DYSF: variants seen among roughly 807,000 people sequenced by gnomAD.
DYSF encodes dysferlin.
DYSF carries 212 observed loss-of-function variants against 274.9 expected under a neutral mutation model. The observed-to-expected ratio is 0.77, with a 90% CI of 0.69 to 0.86. The LOEUF is 0.86. DYSF is among the 40% of genes least tolerant of loss of function. The pLI, the probability that DYSF is intolerant of heterozygous loss-of-function variation, is 0.00. For missense variants in DYSF, 2,666 were observed against 2,783.2 expected (o/e 0.96, Z 0.95); for synonymous variants, 1,091 against 1,078.7 (o/e 1.01, Z -0.22).
chr2:71,625,311 C>G (rs115757915), intron 41 of DYSF, among the ~76,000 whole-genome samples: 2,257 of 152,178 alleles, frequency 0.015, 60 homozygotes, highest in African/African-American at 0.051. Context: ...TGAAGTTTTG[C>G]TTTTCACACT....
intron 3 of DYSF, among the ~76,000 whole-genome samples, chr2:71,493,851 C>CAAAAAAAAAAAAAAAAAAAAAAAA (rs145288384): frequency 2.9e-5 from 2 of 69,330 alleles, no homozygotes; most frequent in Admixed American, 2.1e-4. Context: ...TACTCTGTCT[C>CAAAAAAAAAAAAAAAAAAAAAAAA]AAAAAAAAAA....
At chr2:71,671,847 G>T (rs1434484688) in intron 51 of DYSF, among the ~76,000 whole-genome samples, 1 of 152,184 alleles carries the variant, frequency 6.6e-6, no homozygotes, top group Admixed American at 6.5e-5. Flanking sequence ...GAAGGGGAGA[G>T]TGGGGCCAAC....
chr2:71,526,236 C>G lies in DYSF; in HGVS notation c.1166C>G (p.Pro389Arg). The G allele has an allele frequency of 6.2e-7, 1 of 1,614,242 alleles. No homozygotes were observed. The highest frequency in any genetic ancestry group is 8.5e-7 in the Non-Finnish European group (1 of 1,180,042). Residue 389 changes from proline (P) to arginine (R), a missense_variant, in exon 13 of 56, where the codon CCC (proline) becomes CGC (arginine). Transcript: ENST00000410020. ...GDEAPLERKD[P>R]SEDKEDIESN... ...TCTTTGTAGCTGGAGAGAAAAGACC[C>G]CTCTGAAGACAAGGAGGACATTGAA...
At chr2:71,505,552 C>T (rs2085396518) in intron 4 of DYSF, among the ~76,000 whole-genome samples, 1 of 152,212 alleles carries the variant, frequency 6.6e-6, no homozygotes, top group Non-Finnish European at 1.5e-5. Context: ...CCCCGTTTGC[C>T]TTTTGCTCAG....
Position 71,674,191 on chromosome 2 carries a change from G to A in DYSF, c.5785-6G>A. On this transcript the variant is annotated splice_region_variant and splice_polypyrimidine_tract_variant and intron_variant, in intron 51 of 55. Transcript: ENST00000410020. ...TGCATCCTTCTCTGTTCCTCTTCCGGGTCAGGATGCCTTCTGGAGGCTGGA... is the reference window on the plus strand; with the variant it reads ...TGCATCCTTCTCTGTTCCTCTTCCGAGTCAGGATGCCTTCTGGAGGCTGGA... 6.2e-7 allele frequency: 1 copy of A among 1,614,006 alleles called. No homozygotes were observed. Among genetic ancestry groups the A allele is most frequent in the South Asian group, 1.1e-5 (1 of 91,082 alleles).
intron 55 of DYSF, among the ~76,000 whole-genome samples, chr2:71,683,724 C>T (rs2095323658): frequency 1.3e-5 from 2 of 152,198 alleles, no homozygotes; most frequent in African/African-American, 4.8e-5. Flanking sequence ...CTGGTCAGCA[C>T]CAGGCCACTG....
chr2:71,596,321 A>G (rs2093408513), intron 32 of DYSF, among the ~76,000 whole-genome samples: 2 of 152,144 alleles, frequency 1.3e-5, no homozygotes, highest in African/African-American at 2.4e-5. Context: ...CAGCCGCTAC[A>G]ATGTGCAATT....
chr2:71,590,198 T>C lies in DYSF; in HGVS notation c.3497-13T>C, dbSNP rs759062827. The C allele has an allele frequency of 5.0e-6, 8 of 1,613,936 alleles. No individual in the cohort carries two copies. In the African/African-American group the frequency reaches 6.7e-5, roughly 13 times the overall value. The stretch of plus-strand genomic sequence containing the variant: ...CACTCACTCTGGCACCTCTGTTTTT[T>C]CCCTTGGTGAAGATGGGAACCGCTA... On this transcript the variant is annotated splice_polypyrimidine_tract_variant and intron_variant, in intron 31 of 55. Transcript: ENST00000410020.
chr2:71,459,553 C>A (rs2081201565), intron 1 of DYSF, among the ~76,000 whole-genome samples: 1 of 151,966 alleles, frequency 6.6e-6, no homozygotes, highest in Non-Finnish European at 1.5e-5. Flanking sequence ...AAATCTAGGC[C>A]CAGGTGCCAC....
chr2:71,513,151 A>G, intron 5 of DYSF, 89 bp from the exon 6 acceptor site: 1 of 1,261,954 alleles, frequency 7.9e-7, no homozygotes, highest in Non-Finnish European at 1.1e-6. Context: ...CGGGGAAGGC[A>G]GGGTTGGGGA....
intron 14 of DYSF, among the ~76,000 whole-genome samples, chr2:71,532,974 T>C (rs1204251537): frequency 6.6e-6 from 1 of 152,186 alleles, no homozygotes; most frequent in Non-Finnish European, 1.5e-5. Flanking sequence ...TCTTTTATAT[T>C]ATTCTGGTTT....
At chr2:71,520,046 C>A in intron 10 of DYSF, 132 bp from the exon 11 acceptor site, 1 of 994,100 alleles carries the variant, frequency 1.0e-6, no homozygotes. Flanking sequence ...CATGTAGTAT[C>A]AAATGTTGAC....
At chr2:71,553,752 A>AAAACCCCC in intron 20 of DYSF, 55 bp from the exon 21 acceptor site, 1 of 267,804 alleles carries the variant, frequency 3.7e-6, no homozygotes, top group Non-Finnish European at 6.7e-6. Context: ...TTAGCACCCC[A>AAAACCCCC]TCCCACCCGC....
Position 71,556,024 on chromosome 2 carries a change from G to C in DYSF, c.2169G>C (p.Val723=). 1 of 1,578,948 alleles carries C rather than the reference G, an allele frequency of 6.3e-7. No homozygotes were observed. The highest frequency in any genetic ancestry group is 1.2e-5 in the South Asian group (1 of 85,804). ...ALKAQCSTED[V]DSLVAQLTDE... is the part of the protein sequence containing the mutation. ...AGGCGCAGTGCTCCACGGAGGACGT[G>C]GACTCGCTGGTGGCTCAGCTGACGG... The change falls in exon 22 of 56, where the codon GTG becomes GTC. Residue 723 remains valine, a synonymous_variant. Coordinates refer to ENST00000410020, the MANE Select transcript of DYSF (RefSeq NM_001130987.2).
At chr2:71,514,045 G>C in intron 7 of DYSF, 124 bp downstream of exon 7, 3 of 1,144,862 alleles carry the variant, frequency 2.6e-6, no homozygotes, top group Non-Finnish European at 3.9e-6. Flanking sequence ...GCCCTCCTGT[G>C]GGGGAATCTG....
intron 31 of DYSF, 92 bp downstream of exon 31, chr2:71,589,778 G>C: frequency 1.6e-6 from 2 of 1,253,738 alleles, no homozygotes; most frequent in Non-Finnish European, 1.2e-6. Context: ...ATGTGTATGT[G>C]GGGCTCTGGG....
intron 17 of DYSF, among the ~76,000 whole-genome samples, chr2:71,545,586 C>T (rs2090403096): frequency 6.6e-6 from 1 of 152,166 alleles, no homozygotes; most frequent in African/African-American, 2.4e-5. Context: ...CCTCACAGGT[C>T]AGTACTCTTG....
chr2:71,498,070 T>G (rs1289304331), intron 3 of DYSF, among the ~76,000 whole-genome samples: 1 of 152,152 alleles, frequency 6.6e-6, no homozygotes, highest in East Asian at 1.9e-4. Flanking sequence ...CCTGGGGAGT[T>G]TCTTCAGACC....
intron 1 of DYSF, among the ~76,000 whole-genome samples, chr2:71,476,720 A>G (rs1298187983): frequency 1.3e-5 from 2 of 152,128 alleles, no homozygotes; most frequent in African/African-American, 4.8e-5. Context: ...GTGTGATGAA[A>G]TGGGAAGTAT....
Sources: allele counts gnomAD v4.1 joint callset (sites outside exome capture counted in the v4.1 genomes callset), GRCh38; gene constraint gnomAD v4.1.1; transcripts MANE v1.5; gene names NCBI Gene and HGNC (gene_info 2026-07-23, HGNC 2026-07-21).